Variants in HSD17B12 observed in about 807,000 individuals in gnomAD.
The protein encoded by HSD17B12 is hydroxysteroid 17-beta dehydrogenase 12.
HSD17B12 carries 32 observed loss-of-function variants against 39.3 expected under a neutral mutation model. The observed-to-expected ratio is 0.81, with a 90% CI of 0.61 to 1.09. The LOEUF is 1.09. HSD17B12 is among the 50% of genes least tolerant of loss of function. The pLI is 0.00. For missense variants in HSD17B12, 342 were observed against 382.9 expected, an observed-to-expected ratio of 0.89 and a Z score of 0.89; for synonymous variants, 150 against 146.7, an observed-to-expected ratio of 1.02 and a Z score of -0.16.
intron 9 of HSD17B12, among the ~76,000 whole-genome samples, chr11:43,851,371 G>T (rs1191625174): frequency 6.6e-6 from 1 of 152,206 alleles, no homozygotes; most frequent in African/African-American, 2.4e-5. Context: ...TCCTGAGTAA[G>T]CAGGAGAAAT....
At chr11:43,678,543 C>A (rs1001930210), upstream of HSD17B12, among the ~76,000 whole-genome samples, 24 of 152,158 alleles carry the variant, frequency 1.6e-4, no homozygotes, top group African/African-American at 5.3e-4. Flanking sequence ...CCTAGGTTTT[C>A]TTCTAGGGTT....
chr11:43,607,103 A>G, the HSD17B12 span, among the ~76,000 whole-genome samples: 1 of 152,218 alleles, frequency 6.6e-6, no homozygotes, highest in Non-Finnish European at 1.5e-5. Flanking sequence ...ATATATTATT[A>G]TCTTAATTGT....
chr11:43,671,250 C>G, the HSD17B12 span, among the ~76,000 whole-genome samples: 12 of 152,222 alleles, frequency 7.9e-5, no homozygotes, highest in African/African-American at 2.9e-4. Flanking sequence ...TGGGTTCAAG[C>G]GATTCTCCAG....
At chr11:43,813,059 T>C (rs980789502) in intron 4 of HSD17B12, among the ~76,000 whole-genome samples, 1 of 152,156 alleles carries the variant, frequency 6.6e-6, no homozygotes, top group African/African-American at 2.4e-5. Context: ...GCCAGGATGA[T>C]CTAGATCTCC....
chr11:43,790,775 T>C (rs1386487531), intron 3 of HSD17B12, among the ~76,000 whole-genome samples: 1 of 152,136 alleles, frequency 6.6e-6, no homozygotes, highest in Non-Finnish European at 1.5e-5. Flanking sequence ...GCGGATCACC[T>C]GAGGTCAGGA....
chr11:43,719,999 A>G (rs1950162088), intron 1 of HSD17B12, among the ~76,000 whole-genome samples: 1 of 152,232 alleles, frequency 6.6e-6, no homozygotes, highest in Non-Finnish European at 1.5e-5. Context: ...TCCAGGACAG[A>G]ACTGTCTTTA....
At chr11:43,836,008 G>C (rs1045084532) in intron 7 of HSD17B12, among the ~76,000 whole-genome samples, 2 of 152,126 alleles carry the variant, frequency 1.3e-5, no homozygotes, top group Non-Finnish European at 2.9e-5. Flanking sequence ...ATCAGGTCAA[G>C]ATTTAATTTT....
chr11:43,664,177 A>G, the HSD17B12 span, among the ~76,000 whole-genome samples: 1 of 152,184 alleles, frequency 6.6e-6, no homozygotes, highest in Non-Finnish European at 1.5e-5. Flanking sequence ...GCAGGGAGGC[A>G]GAGGTTACAG....
chr11:43,797,287 T>C (rs1434900489), intron 3 of HSD17B12, among the ~76,000 whole-genome samples: 1 of 152,222 alleles, frequency 6.6e-6, no homozygotes, highest in Non-Finnish European at 1.5e-5. Context: ...ATTTTAAAAT[T>C]AGTTCTTTTG....
At chr11:43,750,234 A>T (rs569865019) in intron 1 of HSD17B12, among the ~76,000 whole-genome samples, 1 of 152,242 alleles carries the variant, frequency 6.6e-6, no homozygotes, top group African/African-American at 2.4e-5. Flanking sequence ...CTTCCCTGTT[A>T]TCTACTCCAC....
At chr11:43,590,437 C>CAAAA in the HSD17B12 span, among the ~76,000 whole-genome samples, 1 of 66,260 alleles carries the variant, frequency 1.5e-5, no homozygotes, top group Non-Finnish European at 2.7e-5. Context: ...TTAAGTTTAG[C>CAAAA]AAAAAAAAAA....
In HSD17B12 at chr11:43,734,578, T is replaced by A. The variant is rs560902883; in HGVS notation, c.161-16333T>A. The A allele has an allele frequency of 2.7e-4, 122 of 459,490 alleles. No homozygotes were observed. In the East Asian group the frequency reaches 6.3e-3, roughly 24 times the overall value. 28.5% of individuals were successfully genotyped at this position (459,490 alleles called of 1,614,324 possible). On this transcript the variant is annotated intron_variant, in intron 1 of 10. Coordinates refer to ENST00000278353, the MANE Select transcript of HSD17B12 (RefSeq NM_016142.3). The stretch of plus-strand genomic sequence containing the variant: ...CAGCTGCCCCAGTGAGGGCCCACCC[T>A]GCCTGCATCTTCACGGGCCAACTGG...
rs766363961 is a variant in HSD17B12 at position 43,750,994 on chromosome 11, AAATAAG to A, written c.207+43_207+48del. The A allele has an allele frequency of 1.1e-5, 15 of 1,313,366 alleles. No homozygotes were observed. In the African/African-American group the frequency reaches 1.5e-4, roughly 13 times the overall value. 81.4% of individuals were successfully genotyped at this position (1,313,366 alleles called of 1,614,324 possible). A position where few individuals can be genotyped will look rare whatever the true frequency, so the allele number is the denominator to read the frequency against. ...TCAAGATCTTTCCTTTTAATATAAA[AAATAAG>A]AATAAATATGGGATGATTTCTTATA... On this transcript the variant is annotated intron_variant, in intron 2 of 10. Coordinates refer to ENST00000278353, the MANE Select transcript of HSD17B12 (RefSeq NM_016142.3).
chr11:43,633,434 A>G, the HSD17B12 span, among the ~76,000 whole-genome samples: 4 of 152,160 alleles, frequency 2.6e-5, no homozygotes, highest in Non-Finnish European at 4.4e-5. Flanking sequence ...TGGGAGGCTG[A>G]GGCAGGAGAA....
chr11:43,664,172 G>C, the HSD17B12 span, among the ~76,000 whole-genome samples: 1 of 152,166 alleles, frequency 6.6e-6, no homozygotes, highest in Non-Finnish European at 1.5e-5. Flanking sequence ...CTAAGGCAGG[G>C]AGGCAGAGGT....
the HSD17B12 span, among the ~76,000 whole-genome samples, chr11:43,652,777 A>G: frequency 1.3e-5 from 2 of 152,148 alleles, no homozygotes; most frequent in Non-Finnish European, 1.5e-5. Flanking sequence ...TCACATGTTC[A>G]GATATCTGGA....
At chr11:43,760,559 A>G (rs932993571) in intron 3 of HSD17B12, among the ~76,000 whole-genome samples, 2 of 152,206 alleles carry the variant, frequency 1.3e-5, no homozygotes, top group African/African-American at 4.8e-5. Context: ...TTACTGGTCT[A>G]TAGTGAACAG....
At chr11:43,721,646 A>G (rs1950177258) in intron 1 of HSD17B12, among the ~76,000 whole-genome samples, 1 of 152,140 alleles carries the variant, frequency 6.6e-6, no homozygotes, top group Non-Finnish European at 1.5e-5. Context: ...TTCCAGGCAG[A>G]GGAAAAAGCA....
chr11:43,801,105 C>T (rs1950962916), intron 4 of HSD17B12, among the ~76,000 whole-genome samples: 2 of 151,840 alleles, frequency 1.3e-5, no homozygotes, highest in Admixed American at 1.3e-4. Context: ...CACCATTACA[C>T]TCCAGCCTGG....
Sources: gnomAD v4.1 joint callset for allele counts (sites outside exome capture counted in the v4.1 genomes callset) on GRCh38, gnomAD v4.1.1 for gene constraint, MANE v1.5 for transcripts, NCBI Gene and HGNC (gene_info 2026-07-23, HGNC 2026-07-21) for gene names.